The following DCDC1 variants were observed in gnomAD, a reference collection of about 807,000 sequenced individuals.
DCDC1 encodes doublecortin domain containing 1.
In DCDC1, 200 loss-of-function variants were observed where a neutral mutation model predicts 178.3. The observed-to-expected ratio is 1.12, with a 90% CI of 1.00 to 1.26. The LOEUF (loss-of-function observed/expected upper bound fraction) is 1.26, where lower values mean the gene tolerates loss of function less well. Among genes scored for constraint, DCDC1 ranks in the 50% most tolerant of loss-of-function variants. The probability of loss-of-function intolerance (pLI) is 0.00; values close to 1 mark genes in which losing one functional copy is unlikely to be tolerated. For missense variants in DCDC1, 1,983 were observed against 1,749.2 expected (o/e 1.13, Z -2.38); for synonymous variants, 690 against 604.8 (o/e 1.14, Z -2.07).
chr11:31,337,751 G>A (rs1163975153), intron 1 of DCDC1, among the ~76,000 whole-genome samples: 1 of 152,150 alleles, frequency 6.6e-6, no homozygotes, highest in African/African-American at 2.4e-5. Flanking sequence ...ATTGTGTTAG[G>A]TGACCTCAAA....
chr11:31,001,112 A>G (rs1021969825), intron 20 of DCDC1, among the ~76,000 whole-genome samples: 10 of 152,148 alleles, frequency 6.6e-5, no homozygotes, highest in Non-Finnish European at 1.5e-4. Context: ...TTGGAATTCC[A>G]CCATAAGAAA....
intron 22 of DCDC1, among the ~76,000 whole-genome samples, chr11:30,929,638 A>C (rs1322611851): frequency 6.6e-6 from 1 of 152,054 alleles, no homozygotes; most frequent in East Asian, 1.9e-4. Flanking sequence ...ATCATAACTT[A>C]CTAATAAGTA....
At chr11:30,934,019 G>A (rs898244028) in intron 21 of DCDC1, among the ~76,000 whole-genome samples, 1 of 152,076 alleles carries the variant, frequency 6.6e-6, no homozygotes. Context: ...ATGTCTTAAC[G>A]CAAGCCTGTT....
At chr11:31,007,522 G>C (rs1418528850) in intron 20 of DCDC1, among the ~76,000 whole-genome samples, 1 of 152,188 alleles carries the variant, frequency 6.6e-6, no homozygotes, top group Admixed American at 6.5e-5. Flanking sequence ...ATGGTTGTAG[G>C]AGTGTCTGGC....
intron 15 of DCDC1, 68 bp downstream of exon 15, chr11:31,102,109 C>A: frequency 5.8e-6 from 3 of 516,040 alleles, no homozygotes; most frequent in Middle Eastern, 2.9e-4. Context: ...CACAAATATT[C>A]ATTATATATT....
At chr11:30,944,339 G>A (rs1231866355) in intron 21 of DCDC1, 1 of 456,588 alleles carries the variant, frequency 2.2e-6, no homozygotes, top group Admixed American at 2.3e-5. Flanking sequence ...TGTCTGCATT[G>A]CCTAAATATG....
At chr11:31,326,465 T>C (rs1269579977) in intron 3 of DCDC1, among the ~76,000 whole-genome samples, 1 of 152,162 alleles carries the variant, frequency 6.6e-6, no homozygotes, top group Non-Finnish European at 1.5e-5. Flanking sequence ...AAATAAATAT[T>C]AAAGGCAATA....
intron 21 of DCDC1, among the ~76,000 whole-genome samples, chr11:30,941,284 C>T (rs945197889): frequency 6.6e-6 from 1 of 152,140 alleles, no homozygotes; most frequent in Non-Finnish European, 1.5e-5. Flanking sequence ...TAAGTCAGAG[C>T]ATATCACTCC....
intron 1 of DCDC1, among the ~76,000 whole-genome samples, chr11:31,336,759 C>G (rs1950292224): frequency 6.6e-6 from 1 of 152,152 alleles, no homozygotes; most frequent in Non-Finnish European, 1.5e-5. Flanking sequence ...CTGTATTTTC[C>G]AGTTTTCCTT....
chr11:31,300,750 A>T (rs1399203162), intron 6 of DCDC1, among the ~76,000 whole-genome samples: 1 of 152,136 alleles, frequency 6.6e-6, no homozygotes, highest in Non-Finnish European at 1.5e-5. Flanking sequence ...CAGACAACTA[A>T]GTGATTTGAT....
chr11:31,240,872 A>G (rs1364312774), intron 9 of DCDC1, among the ~76,000 whole-genome samples: 1 of 152,008 alleles, frequency 6.6e-6, no homozygotes, highest in African/African-American at 2.4e-5. Flanking sequence ...TTACCCACAC[A>G]CATACAAACA....
At chr11:31,086,441 T>C (rs1957479881) in intron 17 of DCDC1, among the ~76,000 whole-genome samples, 2 of 152,226 alleles carry the variant, frequency 1.3e-5, no homozygotes, top group South Asian at 2.1e-4. Context: ...ATTGTGTGTA[T>C]GTATTTTGCA....
intron 1 of DCDC1, among the ~76,000 whole-genome samples, chr11:31,342,373 GTCT>G (rs749972495): frequency 2.0e-5 from 3 of 152,092 alleles, no homozygotes; most frequent in Non-Finnish European, 4.4e-5. Context: ...TTCAGCCTCA[GTCT>G]TCTTTTGTGC....
intron 11 of DCDC1, among the ~76,000 whole-genome samples, chr11:31,123,407 T>C (rs967636011): frequency 3.3e-5 from 5 of 152,102 alleles, no homozygotes; most frequent in Non-Finnish European, 5.9e-5. Flanking sequence ...TTCATATGAT[T>C]TTTAAATAAT....
Position 31,135,480 on chromosome 11 carries a change from A to C in DCDC1, c.1314+2212T>G, listed in dbSNP as rs79199132. On this transcript the variant is annotated intron_variant, in intron 10 of 38. Coordinates refer to ENST00000684477, the MANE Select transcript of DCDC1 (RefSeq NM_001387274.1). ...CTGGCAAGAGAGTTATGTTAGTGGT[A>C]ACAAGGACTTTTCTAAAAAGAGTCT... Among the ~76,000 whole-genome samples, 286 of 152,318 alleles carry C rather than the reference A, an allele frequency of 1.9e-3. 5 individuals carry two copies. The East Asian group carries it at 0.05, about 27-fold the overall frequency.
chr11:30,920,886 A>AG lies in DCDC1; in HGVS notation c.3182dup (p.Val1062CysfsTer3), dbSNP rs752173201. 1 of 1,613,240 alleles carries AG rather than the reference A, an allele frequency of 6.2e-7. No individual in the cohort carries two copies. The highest frequency in any genetic ancestry group is 8.5e-7 in the Non-Finnish European group (1 of 1,179,530). ...CAAAAATTGCTACAGGTTTATGCAC[A>AG]GCAAGCTTGCTTCCAGATACAATGT... On this transcript the variant is annotated frameshift_variant, in exon 25 of 39. Transcript: ENST00000684477. LOFTEE classifies it high-confidence loss of function.
At chr11:30,939,857 G>A (rs145643882) in intron 21 of DCDC1, among the ~76,000 whole-genome samples, 1 of 152,188 alleles carries the variant, frequency 6.6e-6, no homozygotes, top group East Asian at 1.9e-4. Flanking sequence ...TGTTTCCTAT[G>A]TTTAGTAGAA....
intron 1 of DCDC1, among the ~76,000 whole-genome samples, chr11:31,350,506 TA>T (rs1951016925): frequency 6.6e-6 from 1 of 152,154 alleles, no homozygotes; most frequent in African/African-American, 2.4e-5. Flanking sequence ...TATGAGAACA[TA>T]TCCAATTATC....
intron 21 of DCDC1, among the ~76,000 whole-genome samples, chr11:30,947,640 C>T (rs1341706165): frequency 6.6e-6 from 1 of 152,026 alleles, no homozygotes; most frequent in Non-Finnish European, 1.5e-5. Context: ...GTAACTTCAG[C>T]ACAAGAATAG....
Sources: gnomAD v4.1 joint callset for allele counts (sites outside exome capture counted in the v4.1 genomes callset) on GRCh38, gnomAD v4.1.1 for gene constraint, MANE v1.5 for transcripts, NCBI Gene and HGNC (gene_info 2026-07-23, HGNC 2026-07-21) for gene names.